The following CWF19L1 variants were observed in gnomAD, a reference collection of about 807,000 sequenced individuals.
CWF19L1 encodes the protein CWF19 like cell cycle control factor 1.
In CWF19L1, 60 loss-of-function variants were observed where a neutral mutation model predicts 69.7. The ratio of observed to expected loss-of-function variants is 0.86; its 90% confidence interval spans 0.70 to 1.07. The LOEUF is 1.07. CWF19L1 is among the 50% of genes least tolerant of loss of function. The pLI, the probability that CWF19L1 is intolerant of heterozygous loss-of-function variation, is 0.00. For synonymous variants in CWF19L1, 209 were observed against 222.2 expected, an observed-to-expected ratio of 0.94 and a Z score of 0.53; for missense variants, 591 against 638.9, an observed-to-expected ratio of 0.92 and a Z score of 0.81.
intron 5 of CWF19L1, among the ~76,000 whole-genome samples, 184 bp downstream of exon 5, chr10:100,256,078 T>A (rs1847203401): frequency 6.6e-6 from 1 of 152,208 alleles, no homozygotes; most frequent in Non-Finnish European, 1.5e-5. Flanking sequence ...CACACTTTCA[T>A]GAAATTAACT....
chr10:100,260,782 C>G (rs922785755), intron 3 of CWF19L1, among the ~76,000 whole-genome samples, 184 bp downstream of exon 3: 2 of 152,132 alleles, frequency 1.3e-5, no homozygotes, highest in Non-Finnish European at 2.9e-5. Context: ...CTCGGCCTCC[C>G]AAAGTGCGGG....
chr10:100,242,673 CAAAAA>C (rs397844633), intron 10 of CWF19L1, among the ~76,000 whole-genome samples: 1 of 88,734 alleles, frequency 1.1e-5, no homozygotes, highest in Non-Finnish European at 2.8e-5. Flanking sequence ...GACTCCATCT[CAAAAA>C]AAAAAAAAAA....
chr10:100,262,198 C>T (rs760723653), intron 1 of CWF19L1, 135 bp from the exon 2 acceptor site: 9 of 1,390,354 alleles, frequency 6.5e-6, no homozygotes, highest in African/African-American at 1.5e-5. Context: ...GTTCAGTGCA[C>T]GTAAACCACT....
At chr10:100,262,193 G>A in intron 1 of CWF19L1, 130 bp from the exon 2 acceptor site, 1 of 1,402,408 alleles carries the variant, frequency 7.1e-7, no homozygotes, top group Non-Finnish European at 9.3e-7. Context: ...GCAAGGTTCA[G>A]TGCACGTAAA....
intron 13 of CWF19L1, among the ~76,000 whole-genome samples, chr10:100,234,256 T>C (rs1358638107): frequency 6.6e-6 from 1 of 152,162 alleles, no homozygotes; most frequent in Non-Finnish European, 1.5e-5. Context: ...ATTTCAAATA[T>C]AAAAGGAAAA....
At chr10:100,262,253 ATCT>A (rs1847429393) in intron 1 of CWF19L1, 190 bp from the exon 2 acceptor site, 2 of 985,432 alleles carry the variant, frequency 2.0e-6, no homozygotes, top group Non-Finnish European at 2.4e-6. Flanking sequence ...CACTCGCCGT[ATCT>A]AAAATTTAGC....
chr10:100,247,725 T>A (rs1234921647), intron 7 of CWF19L1, among the ~76,000 whole-genome samples: 5 of 152,062 alleles, frequency 3.3e-5, no homozygotes, highest in Admixed American at 1.3e-4. Context: ...AGAAATCCCA[T>A]CTCTACTAAA....
At chr10:100,262,455 A>G in intron 1 of CWF19L1, 1 of 985,284 alleles carries the variant, frequency 1.0e-6, no homozygotes, top group Non-Finnish European at 1.2e-6. Flanking sequence ...CTATCTTAGT[A>G]CGACTCCTCC....
At position 100,235,662 on chromosome 10, in the gene CWF19L1, CA is replaced by C. The variant is rs1170151087; in HGVS notation, c.1472+4del. Reference sequence around the variant, plus strand: ...GAAAATACATTGAAAAGAAGAAAAACATACCTTCCAAACTGCAAAGGAAAAT... The same window carrying C: ...GAAAATACATTGAAAAGAAGAAAAACTACCTTCCAAACTGCAAAGGAAAAT... On this transcript the variant is annotated splice_donor_region_variant and intron_variant, in intron 13 of 13. Transcript: ENST00000354105. 1 of 1,599,058 alleles carries C rather than the reference CA, an allele frequency of 6.3e-7. No homozygotes were observed. Among genetic ancestry groups the C allele is most frequent in the Non-Finnish European group, 8.6e-7 (1 of 1,168,774 alleles).
chr10:100,243,605 T>G, intron 10 of CWF19L1, 93 bp downstream of exon 10: 2 of 1,093,714 alleles, frequency 1.8e-6, no homozygotes, highest in Non-Finnish European at 2.8e-6. Flanking sequence ...CACTTAAACA[T>G]GGGTAAATGT....
intron 5 of CWF19L1, among the ~76,000 whole-genome samples, chr10:100,255,938 AC>A (rs1847198685): frequency 7.1e-6 from 1 of 141,018 alleles, no homozygotes; most frequent in Non-Finnish European, 1.5e-5. Flanking sequence ...TCAAAAAAAA[AC>A]AAAAAACAAA....
intron 1 of CWF19L1, among the ~76,000 whole-genome samples, chr10:100,267,133 A>ACC (rs1847622155): frequency 2.5e-5 from 1 of 39,384 alleles, no homozygotes; most frequent in Non-Finnish European, 4.6e-5. Context: ...CACCACCCCC[A>ACC]CCCCTCCTCC....
In CWF19L1 at chr10:100,257,166, C is replaced by T. The variant is rs115070618; in HGVS notation, c.290-690G>A. On this transcript the variant is annotated intron_variant, in intron 4 of 13. Coordinates refer to ENST00000354105, the MANE Select transcript of CWF19L1 (RefSeq NM_018294.6). ...TCATCTACTGAGTCTACTCAGCTGG[C>T]GCTTTTTGTTCAGAAAAAAATATGC... 2.8e-3 allele frequency among the ~76,000 whole-genome samples: 422 copies of T among 152,182 alleles called. 2 individuals are homozygous for T. The highest frequency in any genetic ancestry group is 9.8e-3 in the African/African-American group (408 of 41,542).
At chr10:100,249,219 T>G (rs549686138) in intron 7 of CWF19L1, 36 of 265,678 alleles carry the variant, frequency 1.4e-4, no homozygotes, top group Admixed American at 2.4e-4. Flanking sequence ...CAAAATCACT[T>G]CAGATCCGCC....
Position 100,233,262 on chromosome 10 carries a change from C to A in CWF19L1, c.1582G>T (p.Asp528Tyr). The A allele has an allele frequency of 6.2e-7, 1 of 1,613,662 alleles. No individual in the cohort carries two copies. The highest frequency in any genetic ancestry group is 8.5e-7 in the Non-Finnish European group (1 of 1,179,816). ...AGAGTAAAGTCATAGGGCTCAAAGTCTTTCCGGAAGCGGCGAGCCAGGGTC... is the reference window on the plus strand; with the variant it reads ...AGAGTAAAGTCATAGGGCTCAAAGTATTTCCGGAAGCGGCGAGCCAGGGTC... ...EETLARRFRK[D>Y]FEPYDFTLDD The change falls in exon 14 of 14, where the codon GAC (aspartate) becomes TAC (tyrosine). Residue 528 changes from aspartate to tyrosine, a missense_variant. Physicochemically the swap from Asp to Tyr is radical, Grantham distance 160 (BLOSUM62 -3). This residue lies in a region of CWF19L1 where 458 missense variants were observed against 489.3 expected (regional missense o/e 0.94). Transcript: ENST00000354105.
intron 9 of CWF19L1, 21 bp downstream of exon 9, chr10:100,245,778 C>G (rs955447271): frequency 6.3e-7 from 1 of 1,581,006 alleles, no homozygotes; most frequent in Non-Finnish European, 8.7e-7. Context: ...TAGAAGAAAC[C>G]TCTGGAATAA....
intron 8 of CWF19L1, 91 bp from the exon 9 acceptor site, chr10:100,246,004 A>G: frequency 7.8e-6 from 7 of 891,744 alleles, no homozygotes; most frequent in Non-Finnish European, 1.3e-5. Context: ...CATTCCTGCC[A>G]TGCCATACCT....
chr10:100,259,098 G>A (rs1847308645), intron 4 of CWF19L1, among the ~76,000 whole-genome samples: 1 of 151,536 alleles, frequency 6.6e-6, no homozygotes, highest in African/African-American at 2.4e-5. Context: ...CTACTCGGAA[G>A]GCTGAGGCAG....
rs370127895 is a variant in CWF19L1 at position 100,267,622 on chromosome 10, C to G, written c.-29G>C. ...TCCGAATAGTATGGGTTGCGACTGC[C>G]ACCTAAAATTGGGAATGCGAATCCG... On this transcript the variant is annotated 5_prime_UTR_variant, in exon 1 of 14. Coordinates refer to ENST00000354105, the MANE Select transcript of CWF19L1 (RefSeq NM_018294.6). The G allele has an allele frequency of 6.2e-7, 1 of 1,614,108 alleles. No homozygotes were observed. The highest frequency in any genetic ancestry group is 8.5e-7 in the Non-Finnish European group (1 of 1,179,962).
Sources: gnomAD v4.1 joint callset for allele counts (sites outside exome capture counted in the v4.1 genomes callset) on GRCh38, gnomAD v4.1.1 for gene constraint, gnomAD v4.1.1 regional missense constraint, MANE v1.5 for transcripts, NCBI Gene and HGNC (gene_info 2026-07-23, HGNC 2026-07-21) for gene names.